ANKRD18A: variants seen among roughly 807,000 people sequenced by gnomAD.
The protein encoded by ANKRD18A is ankyrin repeat domain 18A.
In ANKRD18A, 72 loss-of-function variants were observed where a neutral mutation model predicts 110.6. The ratio of observed to expected loss-of-function variants is 0.65; its 90% confidence interval spans 0.54 to 0.79. The LOEUF (loss-of-function observed/expected upper bound fraction) is 0.79. Among genes scored for constraint, ANKRD18A ranks in the 30% least tolerant of loss-of-function variants. The pLI is 0.00. For synonymous variants in ANKRD18A, 305 were observed against 410.3 expected (o/e 0.74, Z 3.10); for missense variants, 934 against 1,163.3 (o/e 0.80, Z 2.87).
chr9:38,570,725 G>A (rs1400647693), downstream of ANKRD18A, among the ~76,000 whole-genome samples: 3 of 152,218 alleles, frequency 2.0e-5, no homozygotes, highest in African/African-American at 7.2e-5. Context: ...CTGCATGTGT[G>A]CCCAGGGGTC....
intron 14 of ANKRD18A, among the ~76,000 whole-genome samples, chr9:38,576,097 A>T (rs1044207701): frequency 6.6e-5 from 10 of 152,366 alleles, no homozygotes; most frequent in African/African-American, 2.4e-4. Flanking sequence ...TGACTATAAG[A>T]ACTACTTCAC....
chr9:38,617,414 T>C (rs1825902443), intron 1 of ANKRD18A, among the ~76,000 whole-genome samples: 1 of 152,056 alleles, frequency 6.6e-6, no homozygotes, highest in Admixed American at 6.5e-5. Context: ...CACTCCAGCA[T>C]AGGCGACAGA....
In ANKRD18A at chr9:38,620,328, G is replaced by C. The variant is rs985868014; in HGVS notation, c.-43C>G. On this transcript the variant is annotated 5_prime_UTR_variant, in exon 1 of 16. Transcript: ENST00000399703. Reference sequence around the variant, plus strand: ...CGCCCACCACCCGCTCCTGAGCCGCGGCGGCTCCTCGTGGCCTTTCCACCC... The same window carrying C: ...CGCCCACCACCCGCTCCTGAGCCGCCGCGGCTCCTCGTGGCCTTTCCACCC... The C allele has an allele frequency of 5.9e-6, 9 of 1,529,616 alleles. No homozygotes were observed. The highest frequency in any genetic ancestry group is 7.9e-6 in the Non-Finnish European group (9 of 1,134,654). 94.8% of individuals were successfully genotyped at this position (1,529,616 alleles called of 1,614,324 possible). A position where few individuals can be genotyped will look rare whatever the true frequency, so the allele number is the denominator to read the frequency against.
At chr9:38,583,900 T>A (rs1304168885) in intron 12 of ANKRD18A, among the ~76,000 whole-genome samples, 1 of 152,116 alleles carries the variant, frequency 6.6e-6, no homozygotes. Flanking sequence ...GGCCCACAAG[T>A]GTCTACACCA....
intron 1 of ANKRD18A, 35 bp downstream of exon 1, chr9:38,620,045 G>A (rs1826018636): frequency 1.2e-5 from 19 of 1,547,156 alleles, no homozygotes; most frequent in Non-Finnish European, 1.6e-5. Context: ...CGGGCCTGCG[G>A]CCCCCTCCCA....
At chr9:38,584,730 T>C (rs1824302334) in intron 12 of ANKRD18A, among the ~76,000 whole-genome samples, 2 of 152,172 alleles carry the variant, frequency 1.3e-5, no homozygotes, top group African/African-American at 2.4e-5. Flanking sequence ...TTTTTATTAG[T>C]ATCAAGTCTG....
Position 38,620,007 on chromosome 9 carries a change from C to T in ANKRD18A, c.206+73G>A, listed in dbSNP as rs878951475. ...GCCCGGCGCCCTCCAAGGTCCCCGC[C>T]CCAGGGGCTGCCGGGCTGCAGGGAA... On this transcript the variant is annotated intron_variant, in intron 1 of 15. Transcript: ENST00000399703. 19 of 1,525,936 alleles carry T rather than the reference C, an allele frequency of 1.2e-5. No homozygotes were observed. In the South Asian group the frequency reaches 2.3e-4, roughly 18 times the overall value. The allele number at this position is 1,525,936 out of a possible 1,614,324, so 94.5% of individuals were successfully genotyped here.
chr9:38,573,207 A>G, intron 15 of ANKRD18A: 1 of 806,038 alleles, frequency 1.2e-6, no homozygotes, highest in Non-Finnish European at 1.7e-6. Context: ...ATATTACAAA[A>G]TGTGGCCCTT....
Position 38,620,314 on chromosome 9 carries a change from C to G in ANKRD18A, c.-29G>C, listed in dbSNP as rs1247126550. On this transcript the variant is annotated 5_prime_UTR_variant, in exon 1 of 16. Transcript: ENST00000399703. ...GGCGACTTCTCAGACGCCCACCACC[C>G]GCTCCTGAGCCGCGGCGGCTCCTCG... 1 of 1,536,018 alleles carries G rather than the reference C, an allele frequency of 6.5e-7. No homozygotes were observed. Among genetic ancestry groups the G allele is most frequent in the Non-Finnish European group, 8.8e-7 (1 of 1,137,754 alleles).
chr9:38,600,901 A>ATGT (rs1267670173), intron 8 of ANKRD18A, among the ~76,000 whole-genome samples: 1 of 152,212 alleles, frequency 6.6e-6, no homozygotes, highest in African/African-American at 2.4e-5. Context: ...AGTTCTGGAA[A>ATGT]TTTCTGGCCT....
intron 3 of ANKRD18A, among the ~76,000 whole-genome samples, chr9:38,613,352 C>A (rs554202793): frequency 6.6e-6 from 1 of 152,118 alleles, no homozygotes; most frequent in Non-Finnish European, 1.5e-5. Context: ...CAAATCTATA[C>A]GCCACATTTA....
At chr9:38,569,423 G>A (rs1269674639), downstream of ANKRD18A, 3 of 985,370 alleles carry the variant, frequency 3.0e-6, no homozygotes, top group Middle Eastern at 1.0e-3. Context: ...AGTCAGCTGT[G>A]TTGAGATGTG....
In ANKRD18A at chr9:38,573,272, A is replaced by T. The variant is rs977710679; in HGVS notation, c.2965-1213T>A. On this transcript the variant is annotated intron_variant, in intron 15 of 15. Coordinates refer to ENST00000399703, the MANE Select transcript of ANKRD18A (RefSeq NM_147195.4). Reference sequence around the variant, plus strand: ...AGTTTGCTTAAATAGAAAATTAATCACATTAAGTAAAGTAAAATTTCTACT... The same window carrying T: ...AGTTTGCTTAAATAGAAAATTAATCTCATTAAGTAAAGTAAAATTTCTACT... 16 of 410,042 alleles carry T rather than the reference A, an allele frequency of 3.9e-5. No individual in the cohort carries two copies. The Admixed American group carries it at 5.8e-4, about 15-fold the overall frequency. The allele number at this position is 410,042 out of a possible 1,614,324, so 25.4% of individuals were successfully genotyped here. A position where few individuals can be genotyped will look rare whatever the true frequency, so the allele number is the denominator to read the frequency against.
chr9:38,612,939 G>T (rs1193564501), intron 3 of ANKRD18A, among the ~76,000 whole-genome samples: 1 of 151,338 alleles, frequency 6.6e-6, no homozygotes, highest in Non-Finnish European at 1.5e-5. Flanking sequence ...ATGAGCAGAT[G>T]ACTATTTGTG....
rs745991209 is a variant in ANKRD18A at position 38,572,051 on chromosome 9, T to C, written c.2973A>G (p.Leu991=). 1.9e-5 allele frequency: 30 copies of C among 1,587,524 alleles called. No homozygotes were observed. In the South Asian group the frequency reaches 3.2e-4, roughly 17 times the overall value. The change falls in exon 16 of 16, where the codon CTA becomes CTG. Residue 991 remains leucine, a synonymous_variant. Coordinates refer to ENST00000399703, the MANE Select transcript of ANKRD18A (RefSeq NM_147195.4). The part of the protein sequence containing the change: ...NCKNFLTEVL[L]C ...AGTAGACGGGAGCAAGTGCTCAACA[T>C]AGCAAAACCTGGAAAGAAAAAGAAA... is the stretch of plus-strand genomic sequence containing the variant.
intron 5 of ANKRD18A, among the ~76,000 whole-genome samples, chr9:38,609,484 A>AAAAACAAAAC: frequency 6.6e-6 from 1 of 152,046 alleles, no homozygotes; most frequent in East Asian, 1.9e-4. Context: ...CCGTCTCGAA[A>AAAAACAAAAC]AAAACAAAAC....
intron 1 of ANKRD18A, among the ~76,000 whole-genome samples, chr9:38,617,806 T>C (rs1825920177): frequency 6.6e-6 from 1 of 152,208 alleles, no homozygotes; most frequent in Admixed American, 6.5e-5. Flanking sequence ...GTTTGCTACA[T>C]AACATATTCG....
chr9:38,593,657 A>T (rs537537949), intron 10 of ANKRD18A, 103 bp downstream of exon 10: 1 of 1,155,352 alleles, frequency 8.7e-7, no homozygotes, highest in African/African-American at 1.6e-5. Flanking sequence ...CAATTATAAT[A>T]AAATATAAAA....
chr9:38,615,536 T>G, intron 3 of ANKRD18A, 58 bp downstream of exon 3: 1 of 1,485,638 alleles, frequency 6.7e-7, no homozygotes, highest in South Asian at 1.4e-5. Flanking sequence ...AAAAATTGAC[T>G]CTTAACTATG....
Sources: gnomAD v4.1 joint callset for allele counts (sites outside exome capture counted in the v4.1 genomes callset) on GRCh38, gnomAD v4.1.1 for gene constraint, MANE v1.5 for transcripts, NCBI Gene and HGNC (gene_info 2026-07-23, HGNC 2026-07-21) for gene names.